The following PCDHGA3 variants were observed in gnomAD, a reference collection of about 807,000 sequenced individuals.
PCDHGA3 encodes the protein protocadherin gamma subfamily A, 3, also known as protocadherin gamma-A3.
Under a neutral mutation model 58.5 loss-of-function variants are expected in PCDHGA3, and 40 were observed. The ratio of observed to expected loss-of-function variants is 0.68; its 90% CI spans 0.53 to 0.89. The LOEUF is 0.89. Among genes scored for constraint, PCDHGA3 ranks in the 40% least tolerant of loss-of-function variants. The pLI is 0.00. For synonymous variants in PCDHGA3, 530 were observed against 525.7 expected, an observed-to-expected ratio of 1.01 and a Z score of -0.11; for missense variants, 1,223 against 1,195.9, an observed-to-expected ratio of 1.02 and a Z score of -0.33.
intron 1 of PCDHGA3, chr5:141,428,501 C>A (rs970043746): frequency 8.4e-5 from 24 of 285,544 alleles, no homozygotes; most frequent in African/African-American, 3.9e-4. Context: ...TATGTTCCCT[C>A]GGATTCTAGA....
chr5:141,474,608 T>G (rs1469173973), intron 1 of PCDHGA3, among the ~76,000 whole-genome samples: 1 of 152,268 alleles, frequency 6.6e-6, no homozygotes, highest in Non-Finnish European at 1.5e-5. Flanking sequence ...AGGTCACATA[T>G]GGCTTTTCAT....
intron 1 of PCDHGA3, chr5:141,427,650 G>A (rs1352503291): frequency 1.4e-6 from 1 of 718,312 alleles, no homozygotes; most frequent in Admixed American, 2.0e-5. Flanking sequence ...AGTCTCCTAC[G>A]TGGTCCACGT....
rs559544645 is a variant in PCDHGA3, at chr5:141,405,144, G to C, written c.2424+58687G>C. ...CATCTGCTGCGGGCTACCAGTGATGGGTTGGCTGGTGTGCCCACCTCACAC... is the reference window on the plus strand; with the variant it reads ...CATCTGCTGCGGGCTACCAGTGATGCGTTGGCTGGTGTGCCCACCTCACAC... On this transcript the variant is annotated intron_variant, in intron 1 of 3. Coordinates refer to ENST00000253812, the MANE Select transcript of PCDHGA3 (RefSeq NM_018916.4). 1.1e-4 allele frequency: 184 copies of C among 1,614,070 alleles called. 1 individual carries two copies. The South Asian group carries it at 1.9e-3, about 17-fold the overall frequency.
At chr5:141,357,516 A>G (rs1321097755) in intron 1 of PCDHGA3, 3 of 1,614,010 alleles carry the variant, frequency 1.9e-6, no homozygotes, top group African/African-American at 1.3e-5. Context: ...TCTTCTCCCA[A>G]CCCAGCTATG....
rs758782567 is a variant in PCDHGA3, at chr5:141,486,792, G to A, written c.2425-8015G>A. ...CAGTTTGAGGTGCAGGCCCGGGATCGGGGCAACCCACCCCTTAGCAGCACT... is the reference window on the plus strand; with the variant it reads ...CAGTTTGAGGTGCAGGCCCGGGATCAGGGCAACCCACCCCTTAGCAGCACT... On this transcript the variant is annotated intron_variant, in intron 1 of 3. Coordinates refer to ENST00000253812, the MANE Select transcript of PCDHGA3 (RefSeq NM_018916.4). This position sits in a 1 kb window ranked among gnomAD's most constrained non-coding sequence, Gnocchi z 5.0. The A allele has an allele frequency of 3.7e-5, 59 of 1,614,094 alleles. No homozygotes were observed. The Middle Eastern group carries it at 4.9e-4, about 13-fold the overall frequency.
Position 141,477,383 on chromosome 5 carries a change from T to A in PCDHGA3, c.2425-17424T>A. 6.2e-7 allele frequency: 1 copy of A among 1,614,102 alleles called. No homozygotes were observed. Among genetic ancestry groups the A allele is most frequent in the Non-Finnish European group, 8.5e-7 (1 of 1,180,006 alleles). On this transcript the variant is annotated intron_variant, in intron 1 of 3. Transcript: ENST00000253812. This position sits in a 1 kb window ranked among gnomAD's most constrained non-coding sequence, Gnocchi z 4.9. Reference sequence around the variant, plus strand: ...CCTGGATCGGGAGACTGTGCCAGAATACAACCTCAGCATCACCGCCCGAGA... The same window carrying A: ...CCTGGATCGGGAGACTGTGCCAGAAAACAACCTCAGCATCACCGCCCGAGA...
chr5:141,501,130 G>A (rs528942194), intron 2 of PCDHGA3, among the ~76,000 whole-genome samples: 5 of 152,100 alleles, frequency 3.3e-5, no homozygotes, highest in African/African-American at 4.8e-5. Flanking sequence ...GCCTCCCTAA[G>A]TGCTGGGATT....
rs776176122 is a variant in PCDHGA3, at chr5:141,408,982, T to C, written c.2424+62525T>C. 124 of 1,613,830 alleles carry C rather than the reference T, an allele frequency of 7.7e-5. 1 individual carries two copies. Among genetic ancestry groups the C allele is most frequent in the Admixed American group, 3.7e-4 (22 of 59,994 alleles). ...GTGAAAATCTGCCCCCTGGGTCCCC[T>C]GTGTTGCAAGTGACAGCCACTGACC... On this transcript the variant is annotated intron_variant, in intron 1 of 3. Transcript: ENST00000253812.
Position 141,389,968 on chromosome 5 carries a change from C to A in PCDHGA3, c.2424+43511C>A, listed in dbSNP as rs898974383. ...CAGTTTTACCTAGTGGTGGCCTTGG[C>A]CTTGATCTCAGTGCTCTTCCTCGTG... is the stretch of plus-strand genomic sequence containing the variant. On this transcript the variant is annotated intron_variant, in intron 1 of 3. Coordinates refer to ENST00000253812, the MANE Select transcript of PCDHGA3 (RefSeq NM_018916.4). 3 of 1,613,908 alleles carry A rather than the reference C, an allele frequency of 1.9e-6. No homozygotes were observed. The highest frequency in any genetic ancestry group is 2.5e-6 in the Non-Finnish European group (3 of 1,179,892).
chr5:141,410,104 C>T, intron 1 of PCDHGA3: 1 of 1,612,582 alleles, frequency 6.2e-7, no homozygotes, highest in African/African-American at 1.3e-5. Context: ...CCTTAGGCGA[C>T]AGGGACGCAG....
At chr5:141,370,641 AACTT>A in intron 1 of PCDHGA3, 1 of 1,613,910 alleles carries the variant, frequency 6.2e-7, no homozygotes, top group Non-Finnish European at 8.5e-7. Context: ...CGAAAATGGG[AACTT>A]ACTTGTGAGC....
At chr5:141,413,132 A>G in intron 1 of PCDHGA3, 1 of 1,542,144 alleles carries the variant, frequency 6.5e-7, no homozygotes, top group Non-Finnish European at 8.7e-7. Context: ...GAAACACACA[A>G]CGTGTCCAGT....
At chr5:141,391,839 T>G (rs995589062) in intron 1 of PCDHGA3, 1 of 152,244 alleles carries the variant, frequency 6.6e-6, no homozygotes, top group Non-Finnish European at 1.5e-5. Context: ...AGAATATATG[T>G]AAAAGTCAAG....
intron 1 of PCDHGA3, among the ~76,000 whole-genome samples, chr5:141,433,999 A>G (rs1471657184): frequency 6.6e-6 from 1 of 152,070 alleles, no homozygotes; most frequent in Admixed American, 6.6e-5. Context: ...TATATTCTCT[A>G]TATATGTTTG....
intron 1 of PCDHGA3, chr5:141,441,746 C>A: frequency 5.4e-6 from 2 of 371,314 alleles, no homozygotes; most frequent in East Asian, 9.8e-5. Flanking sequence ...TCGCGCTCGG[C>A]GTCAACGTGA....
Position 141,345,426 on chromosome 5 carries a change from A to G in PCDHGA3, c.1393A>G (p.Asn465Asp). 6.2e-7 allele frequency: 1 copy of G among 1,614,002 alleles called. No individual in the cohort carries two copies. Among genetic ancestry groups the G allele is most frequent in the Non-Finnish European group, 8.5e-7 (1 of 1,180,004 alleles). Residue 465 changes from asparagine (N) to aspartate (D), a missense_variant, in exon 1 of 4, where the codon AAC becomes GAC. Asn to Asp is a conservative substitution (Grantham distance 23). Coordinates refer to ENST00000253812, the MANE Select transcript of PCDHGA3 (RefSeq NM_018916.4). ...CTACTCCGCCTACATTCCAGAAAAC[A>G]ACCCCAGAGGAGCCTCCATCTTCTC... ...LSYSAYIPEN[N>D]PRGASIFSVT...
At position 141,487,063 on chromosome 5, in the gene PCDHGA3, G is replaced by T; in HGVS notation, c.2425-7744G>T. The T allele has an allele frequency of 6.2e-7, 1 of 1,614,086 alleles. No homozygotes were observed. ...CTCGATATGCTGGGGAGGTGCGGACGGCTGTTCCTATCCCAGCTGACCTCC... is the reference window on the plus strand; with the variant it reads ...CTCGATATGCTGGGGAGGTGCGGACTGCTGTTCCTATCCCAGCTGACCTCC... On this transcript the variant is annotated intron_variant, in intron 1 of 3. Coordinates refer to ENST00000253812, the MANE Select transcript of PCDHGA3 (RefSeq NM_018916.4). The surrounding 1 kb of genome is among the most constrained non-coding windows in gnomAD (Gnocchi z 5.0).
intron 1 of PCDHGA3, chr5:141,441,746 C>T: frequency 2.7e-6 from 1 of 371,314 alleles, no homozygotes; most frequent in East Asian, 9.8e-5. Flanking sequence ...TCGCGCTCGG[C>T]GTCAACGTGA....
chr5:141,396,725 T>A (rs1432052825), intron 1 of PCDHGA3: 2 of 152,198 alleles, frequency 1.3e-5, no homozygotes, highest in East Asian at 3.8e-4. Flanking sequence ...AATACCTGAA[T>A]TGATTGTTGT....
Sources: gnomAD v4.1 joint callset for allele counts (sites outside exome capture counted in the v4.1 genomes callset) on GRCh38, gnomAD v4.1.1 for gene constraint, Gnocchi (gnomAD v3.1) non-coding constraint, MANE v1.5 for transcripts, NCBI Gene and HGNC (gene_info 2026-07-23, HGNC 2026-07-21) for gene names.